Variants in RECQL5 observed in about 807,000 individuals in gnomAD.
The protein encoded by RECQL5 is ATP-dependent DNA helicase Q5.
RECQL5 carries 88 observed loss-of-function variants against 103.4 expected under a neutral mutation model. The ratio of observed to expected loss-of-function variants is 0.85; its 90% CI spans 0.72 to 1.02. RECQL5 has a LOEUF of 1.02. RECQL5 is among the 50% of genes least tolerant of loss of function. RECQL5 has a pLI of 0.00. For missense variants in RECQL5, 1,232 were observed against 1,284.3 expected (o/e 0.96, Z 0.62); for synonymous variants, 552 against 507.9 (o/e 1.09, Z -1.17).
chr17:75,633,295 G>T, intron 8 of RECQL5: 1 of 496,634 alleles, frequency 2.0e-6, no homozygotes, highest in South Asian at 2.0e-5. Context: ...CGGACTCAAA[G>T]AGCTCCATTG....
chr17:75,662,893 T>C lies in RECQL5; in HGVS notation c.357A>G (p.Glu119=), dbSNP rs778631205. ...RKELLADLER[E]KPQTKILYIT... Reference sequence around the variant, plus strand: ...TGTACAGAATCTTGGTCTGGGGCTTTTCTCGCTCCAGGTCAGCAAGCAGCT... The same window carrying C: ...TGTACAGAATCTTGGTCTGGGGCTTCTCTCGCTCCAGGTCAGCAAGCAGCT... Residue 119 remains glutamate (E), a synonymous_variant, in exon 4 of 20, where the codon GAA becomes GAG. Coordinates refer to ENST00000317905, the MANE Select transcript of RECQL5 (RefSeq NM_004259.7). The C allele has an allele frequency of 2.2e-5, 35 of 1,614,032 alleles. No individual in the cohort carries two copies. In the East Asian group the frequency reaches 3.1e-4, roughly 14 times the overall value.
chr17:75,661,473 T>C, intron 5 of RECQL5, 133 bp downstream of exon 5: 1 of 670,910 alleles, frequency 1.5e-6, no homozygotes, highest in Non-Finnish European at 2.7e-6. Context: ...GATTTAAGTG[T>C]ATCACTTTAG....
chr17:75,629,656 A>G (rs961643953), intron 15 of RECQL5, 52 bp downstream of exon 15: 15 of 1,557,132 alleles, frequency 9.6e-6, no homozygotes, highest in African/African-American at 1.4e-5. Flanking sequence ...GGCAGAGGGG[A>G]AGTGAAGCCT....
intron 2 of RECQL5, among the ~76,000 whole-genome samples, chr17:75,665,421 G>A (rs1433108211): frequency 1.3e-5 from 2 of 152,194 alleles, no homozygotes; most frequent in Admixed American, 6.5e-5. Flanking sequence ...GTCAAGCGCA[G>A]TGGCTCACGC....
At chr17:75,658,871 T>G (rs1285939257) in intron 6 of RECQL5, among the ~76,000 whole-genome samples, 1 of 152,174 alleles carries the variant, frequency 6.6e-6, no homozygotes, top group Non-Finnish European at 1.5e-5. Flanking sequence ...TATGTCTCAT[T>G]TAATTGTTAG....
chr17:75,641,047 T>C, intron 8 of RECQL5: 1 of 1,369,884 alleles, frequency 7.3e-7, no homozygotes. Context: ...CACTGACAAC[T>C]TGAGCCCTAC....
rs892829263 is a variant in RECQL5, at chr17:75,659,303, G to A, written c.987-843C>T. Reference sequence around the variant, plus strand: ...TCTCAATCTGTTGACCTCATGATCCGCCTGCCTCGGCCTCCCAAAGTGCTA... The same window carrying A: ...TCTCAATCTGTTGACCTCATGATCCACCTGCCTCGGCCTCCCAAAGTGCTA... On this transcript the variant is annotated intron_variant, in intron 6 of 19. Coordinates refer to ENST00000317905, the MANE Select transcript of RECQL5 (RefSeq NM_004259.7). Among the ~76,000 whole-genome samples the A allele has an allele frequency of 2.1e-4, 32 of 152,162 alleles. 1 individual carries two copies. The highest frequency in any genetic ancestry group is 6.3e-4 in the African/African-American group (26 of 41,526).
At chr17:75,639,969 G>A (rs1255512413) in intron 8 of RECQL5, 7 of 523,354 alleles carry the variant, frequency 1.3e-5, no homozygotes, top group East Asian at 1.0e-4. Context: ...TGTCCTCACC[G>A]GCTTCCTCCA....
In RECQL5 at chr17:75,649,598, A is replaced by G. The variant is rs549580148; in HGVS notation, c.1229+1588T>C. 50 of 984,576 alleles carry G rather than the reference A, an allele frequency of 5.1e-5. No individual in the cohort carries two copies. The African/African-American group carries it at 6.6e-4, about 13-fold the overall frequency. 61.0% of individuals were successfully genotyped at this position (984,576 alleles called of 1,614,324 possible). On this transcript the variant is annotated intron_variant, in intron 8 of 19. Coordinates refer to ENST00000317905, the MANE Select transcript of RECQL5 (RefSeq NM_004259.7). ...GAGGCTGCTTCGACCTCAGCCTCCAATGAGAACTATTCTTAGGAAGCAAAT... is the reference window on the plus strand; with the variant it reads ...GAGGCTGCTTCGACCTCAGCCTCCAGTGAGAACTATTCTTAGGAAGCAAAT...
At chr17:75,634,311 G>A in intron 8 of RECQL5, 2 of 958,098 alleles carry the variant, frequency 2.1e-6, no homozygotes, top group Middle Eastern at 1.1e-3. Context: ...GAGGTCTTCG[G>A]GGACATGCTG....
At chr17:75,641,176 C>G (rs1174832253) in intron 8 of RECQL5, 8 of 417,972 alleles carry the variant, frequency 1.9e-5, no homozygotes, top group Non-Finnish European at 2.6e-5. Context: ...CCTACCTGCA[C>G]TTTTTAACAA....
chr17:75,644,588 AAAAAT>A (rs1421950779), intron 8 of RECQL5, among the ~76,000 whole-genome samples: 4 of 152,194 alleles, frequency 2.6e-5, no homozygotes, highest in Non-Finnish European at 4.4e-5. Flanking sequence ...CTGTCTCAAA[AAAAAT>A]AAAATAAAAA....
At chr17:75,654,040 C>A (rs1468192752) in intron 7 of RECQL5, among the ~76,000 whole-genome samples, 2 of 152,094 alleles carry the variant, frequency 1.3e-5, no homozygotes, top group Admixed American at 1.3e-4. Flanking sequence ...AGATTCTGTA[C>A]CCCCAACTTC....
At chr17:75,642,058 G>A (rs1351032401) in intron 8 of RECQL5, among the ~76,000 whole-genome samples, 1 of 152,108 alleles carries the variant, frequency 6.6e-6, no homozygotes, top group African/African-American at 2.4e-5. Flanking sequence ...CTAAACATGG[G>A]ACCAACCAGG....
Position 75,662,610 on chromosome 17 carries a change from C to G in RECQL5, c.640G>C (p.Ala214Pro). ...CGGAAGCAGGGAGTCTTGAAGATGGCAACTGGTTTCTTCAGGTGCAGGGCA... is the reference window on the plus strand; with the variant it reads ...CGGAAGCAGGGAGTCTTGAAGATGGGAACTGGTTTCTTCAGGTGCAGGGCA... ...FAALHLKKPV[A>P]IFKTPCFRAN... Residue 214 changes from alanine (A) to proline (P), a missense_variant, in exon 4 of 20, where the codon GCC (alanine) becomes CCC (proline). Physicochemically the swap from Ala to Pro is conservative, Grantham distance 27. Transcript: ENST00000317905. 2 of 1,614,182 alleles carry G rather than the reference C, an allele frequency of 1.2e-6. No homozygotes were observed. Among genetic ancestry groups the G allele is most frequent in the Non-Finnish European group, 1.7e-6 (2 of 1,180,038 alleles).
chr17:75,662,624 A>G lies in RECQL5; in HGVS notation c.626T>C (p.Leu209Pro), dbSNP rs937656546. 6.2e-7 allele frequency: 1 copy of G among 1,614,064 alleles called. No homozygotes were observed. The highest frequency in any genetic ancestry group is 1.7e-5 in the Admixed American group (1 of 60,004). ...VQEDVFAALH[L>P]KKPVAIFKTP... ...CTTGAAGATGGCAACTGGTTTCTTC[A>G]GGTGCAGGGCAGCAAACACGTCCTC... Residue 209 changes from leucine (L) to proline (P), a missense_variant, in exon 4 of 20, where the codon CTG (leucine) becomes CCG (proline). Leu to Pro is a moderately conservative substitution (Grantham distance 98). Transcript: ENST00000317905.
chr17:75,633,312 G>C, intron 8 of RECQL5: 1 of 601,430 alleles, frequency 1.7e-6, no homozygotes, highest in South Asian at 1.9e-5. Flanking sequence ...ATTGACAGCG[G>C]GGCTGGGGTC....
chr17:75,654,500 C>T (rs2059593017), intron 7 of RECQL5, among the ~76,000 whole-genome samples: 2 of 152,348 alleles, frequency 1.3e-5, no homozygotes, highest in Non-Finnish European at 1.5e-5. Context: ...CAATGGAGAA[C>T]ATCCTTTAAT....
Position 75,630,607 on chromosome 17 carries a change from C to G in RECQL5, c.1718+12G>C, listed in dbSNP as rs749811675. 3 of 1,613,098 alleles carry G rather than the reference C, an allele frequency of 1.9e-6. No individual in the cohort carries two copies. In the African/African-American group the frequency reaches 4.0e-5, roughly 22 times the overall value. ...TTGGAGTGCTCCTCAGCCCAGTGAT[C>G]GTGGAACTCACTCATCAGCGGTACG... On this transcript the variant is annotated intron_variant, in intron 13 of 19. Coordinates refer to ENST00000317905, the MANE Select transcript of RECQL5 (RefSeq NM_004259.7).
Sources: gnomAD v4.1 joint callset for allele counts (sites outside exome capture counted in the v4.1 genomes callset) on GRCh38, gnomAD v4.1.1 for gene constraint, MANE v1.5 for transcripts, NCBI Gene and HGNC (gene_info 2026-07-23, HGNC 2026-07-21) for gene names.